Variants in REDIC1 observed in about 807,000 individuals in gnomAD.
REDIC1 encodes HEI10 Interacting Protein 1.
chr12:39,703,097 G>A, the REDIC1 span, among the ~76,000 whole-genome samples: 1 of 152,162 alleles, frequency 6.6e-6, no homozygotes, highest in African/African-American at 2.4e-5. Flanking sequence ...AATTAGGCAG[G>A]AGAAGAAAAT....
chr12:39,713,012 CATGTGTATATACGTGTATATGTATATAT>C, the REDIC1 span, among the ~76,000 whole-genome samples: 1 of 133,684 alleles, frequency 7.5e-6, no homozygotes, highest in Non-Finnish European at 1.6e-5. Flanking sequence ...TGTATATATA[CATGTGTATATACGTGTATATGTATATAT>C]ACATGTGTAT....
the REDIC1 span, among the ~76,000 whole-genome samples, chr12:39,808,843 A>G: frequency 1.3e-5 from 2 of 152,138 alleles, no homozygotes; most frequent in Non-Finnish European, 2.9e-5. Context: ...TATTGTAAAT[A>G]ATACTTCCGG....
chr12:39,692,798 T>C, the REDIC1 span, among the ~76,000 whole-genome samples: 4 of 152,086 alleles, frequency 2.6e-5, no homozygotes, highest in Non-Finnish European at 5.9e-5. Context: ...TTCTCTAGGA[T>C]ATATTTCTAG....
At chr12:39,869,645 C>T in the REDIC1 span, among the ~76,000 whole-genome samples, 4 of 152,076 alleles carry the variant, frequency 2.6e-5, no homozygotes, top group African/African-American at 9.7e-5. Flanking sequence ...CCTGGTGTTT[C>T]CCGAGGAATT....
chr12:39,707,301 A>G, the REDIC1 span, among the ~76,000 whole-genome samples: 1 of 151,976 alleles, frequency 6.6e-6, no homozygotes, highest in Non-Finnish European at 1.5e-5. Context: ...AATCAAAAGT[A>G]CAATTGGATA....
the REDIC1 span, among the ~76,000 whole-genome samples, chr12:39,906,777 G>A: frequency 6.6e-5 from 10 of 152,024 alleles, no homozygotes; most frequent in Non-Finnish European, 1.3e-4. Context: ...GGTCTTCTAC[G>A]ATTATTTTAA....
chr12:39,696,838 T>C, the REDIC1 span, among the ~76,000 whole-genome samples: 4 of 152,102 alleles, frequency 2.6e-5, no homozygotes, highest in East Asian at 7.7e-4. Flanking sequence ...GCACAAAGAA[T>C]TAGTGAGCTT....
the REDIC1 span, chr12:39,871,993 G>A: frequency 1.3e-6 from 2 of 1,492,562 alleles, no homozygotes; most frequent in Non-Finnish European, 1.8e-6. Context: ...AATTGCTATT[G>A]ATAGTTACCC....
the REDIC1 span, among the ~76,000 whole-genome samples, chr12:39,726,866 C>T: frequency 0.016 from 2,372 of 152,096 alleles, 64 homozygotes; most frequent in African/African-American, 0.053. Context: ...CTAACTGGCG[C>T]GAGATGGTAT....
chr12:39,644,191 A>C, the REDIC1 span, among the ~76,000 whole-genome samples: 1 of 151,788 alleles, frequency 6.6e-6, no homozygotes, highest in East Asian at 1.9e-4. Flanking sequence ...TATTCTATAC[A>C]GGCAGGTAGT....
At chr12:39,797,728 A>ACACACACACACACATACG in the REDIC1 span, among the ~76,000 whole-genome samples, 1 of 10,420 alleles carries the variant, frequency 9.6e-5, no homozygotes, top group African/African-American at 1.7e-4. Flanking sequence ...GTTATGGTAA[A>ACACACACACACACATACG]CACACACACA....
the REDIC1 span, among the ~76,000 whole-genome samples, chr12:39,747,838 G>C: frequency 6.6e-6 from 1 of 152,278 alleles, no homozygotes; most frequent in African/African-American, 2.4e-5. Flanking sequence ...AGCTTCATAA[G>C]TGAAGGAGAA....
At chr12:39,838,504 A>T in the REDIC1 span, among the ~76,000 whole-genome samples, 1 of 81,634 alleles carries the variant, frequency 1.2e-5, no homozygotes, top group African/African-American at 5.4e-5. Context: ...AAAAAAATAA[A>T]TTAAAAAAAA....
chr12:39,704,286 GA>G, the REDIC1 span, among the ~76,000 whole-genome samples: 2 of 152,074 alleles, frequency 1.3e-5, no homozygotes, highest in East Asian at 1.9e-4. Flanking sequence ...CTTCTCAAAA[GA>G]AGACATTTAT....
At chr12:39,695,664 G>A in the REDIC1 span, among the ~76,000 whole-genome samples, 3 of 152,204 alleles carry the variant, frequency 2.0e-5, no homozygotes, top group African/African-American at 7.2e-5. Context: ...ATCCACCTGG[G>A]GCCTGGGGGA....
the REDIC1 span, among the ~76,000 whole-genome samples, chr12:39,673,898 C>G: frequency 1.3e-5 from 2 of 152,116 alleles, no homozygotes; most frequent in Non-Finnish European, 2.9e-5. Flanking sequence ...TGTTGTCTCC[C>G]TACTACATAG....
At chr12:39,760,270 A>C in the REDIC1 span, 38 of 1,587,784 alleles carry the variant, frequency 2.4e-5, no homozygotes, top group Middle Eastern at 6.6e-4. Context: ...GGAATATAAT[A>C]GATACATGAA....
chr12:39,683,872 T>C, the REDIC1 span, among the ~76,000 whole-genome samples: 1 of 151,986 alleles, frequency 6.6e-6, no homozygotes, highest in Non-Finnish European at 1.5e-5. Context: ...CAGCTCTCAG[T>C]GGGAAGGTTG....
chr12:39,894,028 T>G, the REDIC1 span, among the ~76,000 whole-genome samples: 1 of 152,338 alleles, frequency 6.6e-6, no homozygotes. Context: ...TTTAAATGTG[T>G]AGTACATTTG....
Sources: gnomAD v4.1 joint callset for allele counts (sites outside exome capture counted in the v4.1 genomes callset) on GRCh38, gnomAD v4.1.1 for gene constraint, MANE v1.5 for transcripts, NCBI Gene and HGNC (gene_info 2026-07-23, HGNC 2026-07-21) for gene names.